TENM1: variants seen among roughly 807,000 people sequenced by gnomAD.
TENM1 encodes teneurin transmembrane protein 1.
TENM1 carries 35 observed loss-of-function variants against 174.8 expected under a neutral mutation model. That is an observed-to-expected ratio of 0.20 (90% CI 0.15 to 0.27). TENM1 has a LOEUF of 0.27. TENM1 is among the 10% of genes least tolerant of loss of function. The pLI, the probability that TENM1 is intolerant of heterozygous loss-of-function variation, is 1.00. For missense variants in TENM1, 1,633 were observed against 2,130.1 expected, an observed-to-expected ratio of 0.77 and a Z score of 4.59; for synonymous variants, 781 against 798.7, an observed-to-expected ratio of 0.98 and a Z score of 0.37.
At chrX:124,915,290 T>C (rs1192576658) in intron 1 of TENM1, among the ~76,000 whole-genome samples, 6 of 112,272 alleles carry the variant, frequency 5.3e-5, no homozygotes, top group Non-Finnish European at 1.9e-5. Flanking sequence ...TTTGGAAGGC[T>C]GAGGCAGGCG....
chrX:124,985,628 T>C, the TENM1 span, among the ~76,000 whole-genome samples: 1 of 112,215 alleles, frequency 8.9e-6, no homozygotes, highest in African/African-American at 3.2e-5. Context: ...GTGGGGTCAG[T>C]GTTTTATATA....
At chrX:125,202,548 T>C in the TENM1 span, among the ~76,000 whole-genome samples, 174 of 111,900 alleles carry the variant, frequency 1.6e-3, 2 homozygotes, top group African/African-American at 5.5e-3. Context: ...ATATTGGAGA[T>C]GTAGAGCTTT....
chrX:125,173,147 C>T, the TENM1 span, among the ~76,000 whole-genome samples: 1 of 111,618 alleles, frequency 9.0e-6, no homozygotes, highest in Non-Finnish European at 1.9e-5. Context: ...CAATAATATT[C>T]CACATTTTAT....
At chrX:124,705,999 G>A (rs2052895437) in intron 4 of TENM1, among the ~76,000 whole-genome samples, 1 of 111,609 alleles carries the variant, frequency 9.0e-6, no homozygotes, top group African/African-American at 3.3e-5. Context: ...TCCATCTCCC[G>A]GGTTCAAGCA....
intron 3 of TENM1, among the ~76,000 whole-genome samples, chrX:124,818,028 C>T: frequency 9.1e-6 from 1 of 110,279 alleles, no homozygotes; most frequent in East Asian, 2.8e-4. Context: ...TTTACTGAGG[C>T]AGGGCTGTCA....
exon 29 of TENM1, chrX:124,385,955 G>A: frequency 8.3e-7 from 1 of 1,210,825 alleles, no homozygotes; most frequent in Non-Finnish European, 1.1e-6. Flanking sequence ...TGAAAGCATG[G>A]TTTGTAAGCT....
chrX:124,905,642 G>C (rs1401537007), intron 1 of TENM1, among the ~76,000 whole-genome samples: 1 of 111,861 alleles, frequency 8.9e-6, no homozygotes, highest in African/African-American at 3.2e-5. Flanking sequence ...CAAGGAGGGG[G>C]ATCACAGGTA....
At chrX:125,127,824 A>G in the TENM1 span, among the ~76,000 whole-genome samples, 1 of 111,010 alleles carries the variant, frequency 9.0e-6, no homozygotes, top group African/African-American at 3.3e-5. Context: ...TGTGCTCAAT[A>G]TGGACAAATG....
At chrX:124,849,161 C>T (rs2056669308) in intron 3 of TENM1, among the ~76,000 whole-genome samples, 1 of 111,109 alleles carries the variant, frequency 9.0e-6, no homozygotes, top group Non-Finnish European at 1.9e-5. Context: ...AGGGATACTA[C>T]CCATTATTTC....
chrX:124,473,308 A>C (rs1416700300), intron 22 of TENM1, among the ~76,000 whole-genome samples: 1 of 111,294 alleles, frequency 9.0e-6, no homozygotes, highest in African/African-American at 3.3e-5. Flanking sequence ...ACCATAATAC[A>C]CCACTCAAAA....
intron 1 of TENM1, among the ~76,000 whole-genome samples, chrX:124,925,847 A>G (rs766364395): frequency 1.8e-5 from 2 of 111,856 alleles, no homozygotes; most frequent in South Asian, 7.5e-4. Context: ...CTCAGCTATG[A>G]CAACATGGAT....
At chrX:124,723,087 T>C (rs991052728) in intron 4 of TENM1, among the ~76,000 whole-genome samples, 1 of 111,356 alleles carries the variant, frequency 9.0e-6, no homozygotes, top group Non-Finnish European at 1.9e-5. Context: ...GTTTCCCTTG[T>C]ATTTTGCCTT....
At chrX:125,060,709 G>A in the TENM1 span, among the ~76,000 whole-genome samples, 1 of 110,256 alleles carries the variant, frequency 9.1e-6, no homozygotes, top group Non-Finnish European at 1.9e-5. Context: ...TCTAAACACT[G>A]GCTAGAATAC....
At chrX:125,000,367 A>G in the TENM1 span, among the ~76,000 whole-genome samples, 316 of 111,829 alleles carry the variant, frequency 2.8e-3, no homozygotes, top group South Asian at 8.2e-3. Flanking sequence ...CTCATGGCTG[A>G]GAGTAACAGA....
chrX:125,117,875 A>T, the TENM1 span, among the ~76,000 whole-genome samples: 1 of 111,329 alleles, frequency 9.0e-6, no homozygotes, highest in Non-Finnish European at 1.9e-5. Flanking sequence ...TTGGGTGTCT[A>T]CCCAAAGTAA....
At chrX:124,758,270 G>C (rs1209379423) in intron 3 of TENM1, among the ~76,000 whole-genome samples, 1 of 112,083 alleles carries the variant, frequency 8.9e-6, no homozygotes, top group Admixed American at 9.5e-5. Flanking sequence ...CAAATGGACA[G>C]AAGGTATATG....
At chrX:124,893,827 A>T (rs899394715) in intron 3 of TENM1, among the ~76,000 whole-genome samples, 1 of 111,756 alleles carries the variant, frequency 8.9e-6, no homozygotes, top group Non-Finnish European at 1.9e-5. Flanking sequence ...ATGATTGATG[A>T]CATGGATAAA....
intron 3 of TENM1, among the ~76,000 whole-genome samples, chrX:124,884,116 G>C (rs1406811462): frequency 1.8e-5 from 2 of 111,232 alleles, no homozygotes; most frequent in Non-Finnish European, 3.8e-5. Flanking sequence ...TTTGCCCTGG[G>C]TAGTAGCTAC....
chrX:124,453,227 T>TTATA, intron 23 of TENM1, 110 bp downstream of exon 26: 1 of 783,578 alleles, frequency 1.3e-6, no homozygotes, highest in Non-Finnish European at 1.8e-6. Context: ...CTATCTGGTG[T>TTATA]TATAACAGAT....
Sources: gnomAD v4.1 joint callset for allele counts (sites outside exome capture counted in the v4.1 genomes callset) on GRCh38, gnomAD v4.1.1 for gene constraint, MANE v1.5 for transcripts, NCBI Gene and HGNC (gene_info 2026-07-23, HGNC 2026-07-21) for gene names.